Variants in MAF observed in about 807,000 individuals in gnomAD.
MAF encodes MAF bZIP transcription factor.
A neutral mutation model predicts 22.0 loss-of-function variants in MAF; 10 were observed. The observed-to-expected ratio is 0.45, with a 90% CI of 0.28 to 0.77. MAF has a LOEUF of 0.77. Among genes scored for constraint, MAF ranks in the 30% least tolerant of loss-of-function variants. The pLI is 0.12. For synonymous variants in MAF, 337 were observed against 255.8 expected (o/e 1.32, Z -3.03); for missense variants, 544 against 548.4 (o/e 0.99, Z 0.08).
At chr16:79,568,149 G>A in the MAF span, among the ~76,000 whole-genome samples, 4 of 152,162 alleles carry the variant, frequency 2.6e-5, no homozygotes, top group African/African-American at 7.2e-5. Context: ...AAATCCAGTC[G>A]CTAAAATCCA....
At chr16:79,489,460 G>T in the MAF span, among the ~76,000 whole-genome samples, 1 of 152,196 alleles carries the variant, frequency 6.6e-6, no homozygotes, top group Non-Finnish European at 1.5e-5. Flanking sequence ...GATTCCCTGG[G>T]GGAAATTCTC....
the MAF span, among the ~76,000 whole-genome samples, chr16:79,360,271 C>T: frequency 1.3e-5 from 2 of 152,212 alleles, no homozygotes; most frequent in African/African-American, 4.8e-5. Flanking sequence ...CTGCTATCCA[C>T]CTGTCTCTGC....
the MAF span, among the ~76,000 whole-genome samples, chr16:79,524,168 G>A: frequency 6.0e-4 from 91 of 152,282 alleles, no homozygotes; most frequent in African/African-American, 2.1e-3. Context: ...TAAACCCTCT[G>A]ATCCCTGTTC....
the MAF span, among the ~76,000 whole-genome samples, chr16:79,310,214 G>C: frequency 6.6e-6 from 1 of 152,154 alleles, no homozygotes; most frequent in African/African-American, 2.4e-5. Context: ...CTTGGTGCAC[G>C]CACGGGAGCG....
the MAF span, among the ~76,000 whole-genome samples, chr16:79,513,224 C>T: frequency 6.6e-6 from 1 of 152,264 alleles, no homozygotes; most frequent in Non-Finnish European, 1.5e-5. Context: ...ATACTCAACT[C>T]AGCAGTAGCT....
chr16:79,380,016 A>C, the MAF span, among the ~76,000 whole-genome samples: 4 of 152,194 alleles, frequency 2.6e-5, no homozygotes, highest in African/African-American at 9.7e-5. Flanking sequence ...TTCAAGGTCC[A>C]GGTAACACGC....
the MAF span, among the ~76,000 whole-genome samples, chr16:79,213,363 T>C: frequency 6.6e-6 from 1 of 152,226 alleles, no homozygotes; most frequent in Non-Finnish European, 1.5e-5. Flanking sequence ...CTGGCTATAG[T>C]CTTCCTTACG....
At chr16:79,395,330 A>G in the MAF span, among the ~76,000 whole-genome samples, 1 of 152,198 alleles carries the variant, frequency 6.6e-6, no homozygotes, top group Non-Finnish European at 1.5e-5. Flanking sequence ...ACAGTGAGGG[A>G]GCATAGGTTT....
the MAF span, among the ~76,000 whole-genome samples, chr16:79,215,008 C>T: frequency 2.6e-5 from 4 of 152,150 alleles, no homozygotes; most frequent in African/African-American, 9.7e-5. Flanking sequence ...CCATGCTTGG[C>T]TATTACATCT....
At chr16:79,510,982 T>C in the MAF span, among the ~76,000 whole-genome samples, 1 of 152,180 alleles carries the variant, frequency 6.6e-6, no homozygotes, top group Non-Finnish European at 1.5e-5. Flanking sequence ...CAGCTAATTG[T>C]GAGTGGGTTC....
At chr16:79,498,024 G>C in the MAF span, among the ~76,000 whole-genome samples, 1 of 152,242 alleles carries the variant, frequency 6.6e-6, no homozygotes, top group African/African-American at 2.4e-5. Flanking sequence ...AGGAGCTGAA[G>C]AAGGTAGGAC....
At chr16:79,506,932 T>A in the MAF span, among the ~76,000 whole-genome samples, 4 of 152,168 alleles carry the variant, frequency 2.6e-5, no homozygotes, top group African/African-American at 4.8e-5. Context: ...AGCACTGGAC[T>A]TAGAGGGGTG....
chr16:79,266,064 A>C, the MAF span, among the ~76,000 whole-genome samples: 1 of 145,236 alleles, frequency 6.9e-6, no homozygotes, highest in East Asian at 2.0e-4. Flanking sequence ...TATTTCTTTG[A>C]GGTCTCACTG....
the MAF span, among the ~76,000 whole-genome samples, chr16:79,475,947 A>G: frequency 3.3e-5 from 5 of 152,152 alleles, no homozygotes; most frequent in Non-Finnish European, 7.3e-5. Context: ...ATTATGTTAC[A>G]TTAGATAGAA....
the MAF span, among the ~76,000 whole-genome samples, chr16:79,264,057 A>C: frequency 1.3e-5 from 2 of 152,214 alleles, no homozygotes; most frequent in Non-Finnish European, 2.9e-5. Flanking sequence ...CTGTAAATGG[A>C]GAAGACTCCA....
At chr16:79,281,608 G>A in the MAF span, among the ~76,000 whole-genome samples, 2 of 149,394 alleles carry the variant, frequency 1.3e-5, no homozygotes, top group Non-Finnish European at 3.0e-5. Flanking sequence ...GAGTGCAGTG[G>A]CGCCATCTCG....
At chr16:79,311,313 A>T in the MAF span, among the ~76,000 whole-genome samples, 7 of 151,732 alleles carry the variant, frequency 4.6e-5, no homozygotes, top group Non-Finnish European at 1.0e-4. Flanking sequence ...GGCTCCAGAG[A>T]GTGTCACGCA....
At chr16:79,454,706 C>A in the MAF span, among the ~76,000 whole-genome samples, 4 of 152,126 alleles carry the variant, frequency 2.6e-5, no homozygotes, top group African/African-American at 9.7e-5. Flanking sequence ...GTAAGCTGAT[C>A]CTCTGAGTTT....
At chr16:79,443,844 T>G in the MAF span, among the ~76,000 whole-genome samples, 1 of 151,988 alleles carries the variant, frequency 6.6e-6, no homozygotes, top group Non-Finnish European at 1.5e-5. Context: ...TTAATTTAAA[T>G]GAGGTAGGTA....
Sources: gnomAD v4.1 joint callset for allele counts (sites outside exome capture counted in the v4.1 genomes callset) on GRCh38, gnomAD v4.1.1 for gene constraint, MANE v1.5 for transcripts, NCBI Gene and HGNC (gene_info 2026-07-23, HGNC 2026-07-21) for gene names.